Variants in COL4A4 observed in about 807,000 individuals in gnomAD.
COL4A4 encodes collagen alpha-4(IV) chain.
A neutral mutation model predicts 192.9 loss-of-function variants in COL4A4; 105 were observed. The ratio of observed to expected loss-of-function variants is 0.54; its 90% CI spans 0.46 to 0.64. The LOEUF is 0.64. COL4A4 is among the 30% of genes least tolerant of loss of function. The pLI is 0.00. For missense variants in COL4A4, 1,967 were observed against 2,169.3 expected (o/e 0.91, Z 1.85); for synonymous variants, 762 against 769.9 (o/e 0.99, Z 0.17).
chr2:226,969,015 A>G, the COL4A4 span: 1 of 205,432 alleles, frequency 4.9e-6, no homozygotes, highest in Non-Finnish European at 1.0e-5. Context: ...TGGACCAGTC[A>G]TGGACACAGG....
chr2:226,972,231 A>T, the COL4A4 span, among the ~76,000 whole-genome samples: 28 of 152,276 alleles, frequency 1.8e-4, no homozygotes, highest in African/African-American at 6.5e-4. Context: ...TTCCAGCTTC[A>T]TCCATGTCCC....
At chr2:227,116,386 A>C (rs1201572223) in intron 7 of COL4A4, among the ~76,000 whole-genome samples, 1 of 152,208 alleles carries the variant, frequency 6.6e-6, no homozygotes, top group African/African-American at 2.4e-5. Context: ...CTAATGGGTC[A>C]GTTTCAATGA....
the COL4A4 span, among the ~76,000 whole-genome samples, chr2:226,992,252 G>A: frequency 2.0e-5 from 3 of 152,208 alleles, no homozygotes; most frequent in South Asian, 6.2e-4. Context: ...CCAACGCAGA[G>A]CACACACACA....
At chr2:226,973,822 G>A in the COL4A4 span, among the ~76,000 whole-genome samples, 7,684 of 152,260 alleles carry the variant, frequency 0.05, 213 homozygotes, top group Admixed American at 0.078. Context: ...TCCTGTGAGC[G>A]TTAGAACAAC....
At chr2:227,114,541 A>G (rs1293719712) in intron 8 of COL4A4, 87 bp downstream of exon 8, 1 of 1,058,088 alleles carries the variant, frequency 9.5e-7, no homozygotes, top group South Asian at 1.3e-5. Context: ...GGACATTTTG[A>G]AGAAAAATCC....
chr2:227,098,207 T>C (rs1379481880), intron 19 of COL4A4, among the ~76,000 whole-genome samples: 1 of 152,174 alleles, frequency 6.6e-6, no homozygotes, highest in South Asian at 2.1e-4. Flanking sequence ...AAGCAAGGGA[T>C]TAGGTGAATG....
At chr2:227,146,010 G>A (rs1027560177) in intron 2 of COL4A4, among the ~76,000 whole-genome samples, 3 of 152,224 alleles carry the variant, frequency 2.0e-5, no homozygotes, top group African/African-American at 7.2e-5. Context: ...TATTATCACT[G>A]GACATTTTTA....
chr2:227,025,717 C>T (rs2149896465), intron 43 of COL4A4, 85 bp downstream of exon 43: 1 of 1,230,946 alleles, frequency 8.1e-7, no homozygotes. Flanking sequence ...AAGTTTAGCT[C>T]ACACATACAG....
intron 19 of COL4A4, 126 bp downstream of exon 19, chr2:227,098,568 G>C: frequency 1.4e-6 from 1 of 728,846 alleles, no homozygotes; most frequent in Non-Finnish European, 2.4e-6. Context: ...GTGTGCACAG[G>C]CATCGGTATT....
At chr2:227,134,175 G>A (rs988007884) in intron 4 of COL4A4, among the ~76,000 whole-genome samples, 9 of 152,024 alleles carry the variant, frequency 5.9e-5, no homozygotes, top group East Asian at 1.9e-4. Context: ...CAAATGCACC[G>A]TCCAGCTCCT....
chr2:227,026,010 T>A (rs747150523), intron 42 of COL4A4, among the ~76,000 whole-genome samples, 200 bp from the exon 43 acceptor site: 1 of 152,122 alleles, frequency 6.6e-6, no homozygotes, highest in Non-Finnish European at 1.5e-5. Context: ...CAGGAGCAGC[T>A]ATGATTTAGT....
In COL4A4 at chr2:227,011,668, C is replaced by G. The variant is rs1963738086; in HGVS notation, c.4333+513G>C. On this transcript the variant is annotated intron_variant, in intron 45 of 47. Coordinates refer to ENST00000396625, the MANE Select transcript of COL4A4 (RefSeq NM_000092.5). Reference sequence around the variant, plus strand: ...TCTGAAGAGTCCTATGTCCCCTTTCCCAACACCACTTCCCATTTTTTTTCT... The same window carrying G: ...TCTGAAGAGTCCTATGTCCCCTTTCGCAACACCACTTCCCATTTTTTTTCT... Among the ~76,000 whole-genome samples, 3 of 152,338 alleles carry G rather than the reference C, an allele frequency of 2.0e-5. No individual in the cohort carries two copies. In the South Asian group the frequency reaches 6.2e-4, roughly 32 times the overall value.
At chr2:226,986,751 C>A in the COL4A4 span, among the ~76,000 whole-genome samples, 23 of 152,284 alleles carry the variant, frequency 1.5e-4, no homozygotes, top group Admixed American at 3.3e-4. Flanking sequence ...ATTAGTTCAA[C>A]CATTGTGGAA....
intron 25 of COL4A4, among the ~76,000 whole-genome samples, chr2:227,068,095 C>T (rs1280152085): frequency 2.9e-4 from 42 of 145,192 alleles, no homozygotes; most frequent in African/African-American, 7.7e-4. Flanking sequence ...AACACCTCTA[C>T]GCAAATAAAC....
chr2:227,081,349 T>C (rs1477024657), intron 23 of COL4A4, among the ~76,000 whole-genome samples: 1 of 152,324 alleles, frequency 6.6e-6, no homozygotes, highest in African/African-American at 2.4e-5. Flanking sequence ...CTTCTGGCTT[T>C]CATCTTTCTC....
intron 35 of COL4A4, among the ~76,000 whole-genome samples, chr2:227,044,147 C>T (rs896854599): frequency 6.6e-6 from 1 of 152,220 alleles, no homozygotes; most frequent in African/African-American, 2.4e-5. Context: ...TGCACTGACT[C>T]ACACCACCAT....
At chr2:227,099,981 C>A (rs1300192979) in intron 17 of COL4A4, among the ~76,000 whole-genome samples, 1 of 152,170 alleles carries the variant, frequency 6.6e-6, no homozygotes, top group Non-Finnish European at 1.5e-5. Flanking sequence ...CTGATGTCAC[C>A]AAGTTTCTTA....
intron 4 of COL4A4, among the ~76,000 whole-genome samples, chr2:227,122,217 G>A (rs556920043): frequency 1.3e-5 from 2 of 152,144 alleles, no homozygotes; most frequent in African/African-American, 4.8e-5. Flanking sequence ...CATCTAAAGC[G>A]ATATCCCGAC....
intron 6 of COL4A4, 40 bp downstream of exon 6, chr2:227,119,855 G>A (rs2061685099): frequency 6.7e-7 from 1 of 1,495,452 alleles, no homozygotes; most frequent in Non-Finnish European, 9.1e-7. Flanking sequence ...GAGTACTTCT[G>A]CCTTTTTGAA....
Sources: allele counts gnomAD v4.1 joint callset (sites outside exome capture counted in the v4.1 genomes callset), GRCh38; gene constraint gnomAD v4.1.1; transcripts MANE v1.5; gene names NCBI Gene and HGNC (gene_info 2026-07-23, HGNC 2026-07-21).